Variants in EXOC4 observed in about 807,000 individuals in gnomAD.
The protein encoded by EXOC4 is exocyst complex component 4.
A neutral mutation model predicts 107.2 loss-of-function variants in EXOC4; 71 were observed. The observed-to-expected ratio is 0.66, with a 90% CI of 0.55 to 0.81. The LOEUF (loss-of-function observed/expected upper bound fraction) is 0.81, where lower values mean the gene tolerates loss of function less well. EXOC4 is among the 30% of genes least tolerant of loss of function. The pLI is 0.00. For synonymous variants in EXOC4, 456 were observed against 441.2 expected (o/e 1.03, Z -0.42); for missense variants, 1,108 against 1,189.6 (o/e 0.93, Z 1.01).
At chr7:133,886,775 A>G (rs1312509608) in intron 11 of EXOC4, among the ~76,000 whole-genome samples, 1 of 152,238 alleles carries the variant, frequency 6.6e-6, no homozygotes, top group Non-Finnish European at 1.5e-5. Flanking sequence ...TGCTAAAGAG[A>G]TCAAATAAAT....
intron 9 of EXOC4, among the ~76,000 whole-genome samples, chr7:133,501,068 CGTGT>C (rs1799566969): frequency 1.3e-5 from 2 of 152,024 alleles, no homozygotes; most frequent in Admixed American, 6.6e-5. Context: ...TGTATATGTT[CGTGT>C]GTGTATGGCA....
chr7:133,807,488 C>A (rs1216978992), intron 10 of EXOC4, among the ~76,000 whole-genome samples: 1 of 151,944 alleles, frequency 6.6e-6, no homozygotes, highest in East Asian at 1.9e-4. Context: ...GCACCTAAAA[C>A]AGAGTATATT....
At chr7:133,490,605 G>A (rs900427001) in intron 9 of EXOC4, among the ~76,000 whole-genome samples, 2 of 152,046 alleles carry the variant, frequency 1.3e-5, no homozygotes, top group African/African-American at 4.8e-5. Context: ...ACTAATTAAG[G>A]AACTCAGTTT....
chr7:133,571,417 G>C (rs1272683995), intron 9 of EXOC4, among the ~76,000 whole-genome samples: 1 of 152,192 alleles, frequency 6.6e-6, no homozygotes, highest in Non-Finnish European at 1.5e-5. Context: ...GCTTATGCCT[G>C]TAATCCCAGC....
At chr7:133,419,982 T>TA (rs1797565729) in intron 7 of EXOC4, among the ~76,000 whole-genome samples, 1 of 132,778 alleles carries the variant, frequency 7.5e-6, no homozygotes, top group Admixed American at 7.7e-5. Context: ...TTTTTTTTTT[T>TA]ATTATACTTT....
At chr7:134,059,297 T>C (rs1427684542) in intron 17 of EXOC4, among the ~76,000 whole-genome samples, 1 of 152,218 alleles carries the variant, frequency 6.6e-6, no homozygotes, top group Non-Finnish European at 1.5e-5. Context: ...ATTTTTGCAC[T>C]GAGTATGCCA....
In EXOC4 at chr7:133,374,936, T is replaced by A; in HGVS notation, c.1116T>A (p.Thr372=). The A allele has an allele frequency of 6.2e-7, 1 of 1,614,130 alleles. No individual in the cohort carries two copies. Among genetic ancestry groups the A allele is most frequent in the African/African-American group, 1.3e-5 (1 of 75,046 alleles). ...AGGACACTGTAGTGACTCCACTGACTCAGCAGGAAGATATCAAACTGTATG... is the reference window on the plus strand; with the variant it reads ...AGGACACTGTAGTGACTCCACTGACACAGCAGGAAGATATCAAACTGTATG... ...YLQDTVVTPL[T]QQEDIKLYDM... The change falls in exon 7 of 18, where the codon ACT becomes ACA. Residue 372 remains threonine (T), a synonymous_variant. Coordinates refer to ENST00000253861, the MANE Select transcript of EXOC4 (RefSeq NM_021807.4).
intron 14 of EXOC4, among the ~76,000 whole-genome samples, chr7:133,979,625 A>G (rs1016896699): frequency 6.6e-6 from 1 of 152,012 alleles, no homozygotes; most frequent in African/African-American, 2.4e-5. Flanking sequence ...GTCTCTACCA[A>G]AAATACAAAA....
At chr7:133,723,406 T>C (rs1444946000) in intron 10 of EXOC4, among the ~76,000 whole-genome samples, 1 of 152,224 alleles carries the variant, frequency 6.6e-6, no homozygotes, top group African/African-American at 2.4e-5. Context: ...ACAAGAGAAA[T>C]GGTATATCCC....
chr7:133,691,338 C>T (rs1474423649), intron 10 of EXOC4, among the ~76,000 whole-genome samples: 2 of 152,100 alleles, frequency 1.3e-5, no homozygotes, highest in Non-Finnish European at 2.9e-5. Flanking sequence ...TCATTTGATT[C>T]CTTGGGTCTA....
chr7:133,973,248 A>G (rs747039259), intron 14 of EXOC4, among the ~76,000 whole-genome samples: 8 of 152,188 alleles, frequency 5.3e-5, no homozygotes, highest in Non-Finnish European at 7.3e-5. Flanking sequence ...AAAGCACAAC[A>G]TATAATTGGA....
At chr7:133,694,324 T>A (rs2151080295) in intron 10 of EXOC4, among the ~76,000 whole-genome samples, 1 of 151,422 alleles carries the variant, frequency 6.6e-6, no homozygotes, top group South Asian at 2.1e-4. Context: ...GCAGAAACAC[T>A]GAATGTTGGG....
intron 9 of EXOC4, among the ~76,000 whole-genome samples, chr7:133,530,281 C>A (rs968689896): frequency 6.6e-6 from 1 of 152,146 alleles, no homozygotes; most frequent in Admixed American, 6.6e-5. Context: ...GATATACAAT[C>A]ATGCATCACT....
At chr7:133,396,376 T>G (rs1380469228) in intron 7 of EXOC4, 1 of 152,198 alleles carries the variant, frequency 6.6e-6, no homozygotes, top group Non-Finnish European at 1.5e-5. Flanking sequence ...TCATTATTCT[T>G]CCGTTCAGAT....
intron 9 of EXOC4, among the ~76,000 whole-genome samples, chr7:133,627,860 A>G (rs1802495692): frequency 6.6e-6 from 1 of 152,192 alleles, no homozygotes; most frequent in Non-Finnish European, 1.5e-5. Flanking sequence ...AAGAAAACGT[A>G]TGCTCTGATT....
At chr7:133,509,261 T>A (rs1385168922) in intron 9 of EXOC4, among the ~76,000 whole-genome samples, 1 of 152,028 alleles carries the variant, frequency 6.6e-6, no homozygotes, top group Non-Finnish European at 1.5e-5. Context: ...ACCCCATTTC[T>A]ACTAAAAATA....
intron 14 of EXOC4, among the ~76,000 whole-genome samples, chr7:133,976,963 T>G (rs1362390624): frequency 1.3e-5 from 2 of 152,226 alleles, no homozygotes; most frequent in African/African-American, 4.8e-5. Flanking sequence ...AGCTAAGCTT[T>G]TCTGCCTTGA....
intron 17 of EXOC4, among the ~76,000 whole-genome samples, chr7:134,057,521 G>A (rs943643306): frequency 3.9e-5 from 6 of 152,098 alleles, no homozygotes; most frequent in Admixed American, 1.3e-4. Context: ...AATCATGTTT[G>A]TAATAAACTT....
chr7:133,961,340 G>A (rs556667017), intron 14 of EXOC4, among the ~76,000 whole-genome samples: 4 of 145,668 alleles, frequency 2.7e-5, no homozygotes, highest in East Asian at 4.1e-4. Flanking sequence ...AGGCTGGAGC[G>A]CAGTGGCATG....
Sources: allele counts gnomAD v4.1 joint callset (sites outside exome capture counted in the v4.1 genomes callset), GRCh38; gene constraint gnomAD v4.1.1; transcripts MANE v1.5; gene names NCBI Gene and HGNC (gene_info 2026-07-23, HGNC 2026-07-21).